The following STK33 variants were observed in gnomAD, a reference collection of about 807,000 sequenced individuals.
STK33 encodes serine/threonine kinase 33.
In STK33, 52 loss-of-function variants were observed where a neutral mutation model predicts 58.0. That is an observed-to-expected ratio of 0.90 (90% confidence interval 0.72 to 1.13). The LOEUF is 1.13. Among genes scored for constraint, STK33 ranks in the 50% most tolerant of loss-of-function variants. STK33 has a pLI of 0.00. For synonymous variants in STK33, 215 were observed against 200.1 expected (o/e 1.07, Z -0.63); for missense variants, 630 against 604.2 (o/e 1.04, Z -0.45).
At chr11:8,404,626 G>A (rs1173945914) in intron 15 of STK33, among the ~76,000 whole-genome samples, 2 of 152,064 alleles carry the variant, frequency 1.3e-5, no homozygotes, top group Non-Finnish European at 2.9e-5. Flanking sequence ...ATAGGTTTTT[G>A]AGATTCATCT....
At chr11:8,464,928 T>C (rs1947999206) in intron 6 of STK33, 106 bp from the exon 7 acceptor site, 1 of 670,886 alleles carries the variant, frequency 1.5e-6, no homozygotes, top group South Asian at 2.3e-5. Context: ...GAGATTCTGC[T>C]CCAAGTTAAA....
At chr11:8,554,674 G>C (rs920622042) in intron 1 of STK33, among the ~76,000 whole-genome samples, 1 of 152,080 alleles carries the variant, frequency 6.6e-6, no homozygotes. Context: ...AATTAGTACA[G>C]CTATTATAAA....
the STK33 span, among the ~76,000 whole-genome samples, chr11:8,382,280 G>A: frequency 7.7e-4 from 118 of 152,316 alleles, no homozygotes; most frequent in African/African-American, 2.6e-3. Flanking sequence ...GGCAGCTGCC[G>A]CCACAGCCCC....
rs1295659525 is a variant in STK33 at position 8,450,255 on chromosome 11, A to G, written c.871+2567T>C. On this transcript the variant is annotated intron_variant, in intron 11 of 15. Coordinates refer to ENST00000687296, the MANE Select transcript of STK33 (RefSeq NM_001352389.2). ...AAAAGGATGAGTTCATGTCCTTTGC[A>G]GGGACATGGACGAAGCTGAAAACCA... Among the ~76,000 whole-genome samples, 4 of 152,288 alleles carry G rather than the reference A, an allele frequency of 2.6e-5. No homozygotes were observed. The East Asian group carries it at 7.7e-4, about 29-fold the overall frequency.
intron 1 of STK33, among the ~76,000 whole-genome samples, chr11:8,591,779 G>A (rs548863227): frequency 1.1e-3 from 154 of 145,856 alleles, no homozygotes; most frequent in African/African-American, 3.8e-3. Flanking sequence ...GGTGGGAATT[G>A]AAGAATGAGA....
intron 14 of STK33, among the ~76,000 whole-genome samples, chr11:8,422,398 G>A (rs1180168319): frequency 6.6e-6 from 1 of 152,126 alleles, no homozygotes; most frequent in Non-Finnish European, 1.5e-5. Flanking sequence ...ATATTAGTAA[G>A]TGAAATGGAT....
rs996775714 is a variant in STK33, at chr11:8,413,784, G to A, written c.1147-92C>T. 8.0e-6 allele frequency: 9 copies of A among 1,121,780 alleles called. No individual in the cohort carries two copies. The African/African-American group carries it at 1.2e-4, about 16-fold the overall frequency. The allele number at this position is 1,121,780 out of a possible 1,614,324, so 69.5% of individuals were successfully genotyped here. A position where few individuals can be genotyped will look rare whatever the true frequency, so the allele number is the denominator to read the frequency against. On this transcript the variant is annotated intron_variant, in intron 14 of 15. Coordinates refer to ENST00000687296, the MANE Select transcript of STK33 (RefSeq NM_001352389.2). ...TTAGCGAGACAGTCTCCCAAATTCA[G>A]TAATAGTCACATGGAAAAGATTATA...
chr11:8,428,746 G>A (rs7128727), intron 14 of STK33, among the ~76,000 whole-genome samples: 87,466 of 151,932 alleles, frequency 0.58, 25,595 homozygotes, highest in South Asian at 0.71. Context: ...ATATTCAATC[G>A]TGTATGAATG....
chr11:8,567,066 G>T (rs117872617), intron 1 of STK33, among the ~76,000 whole-genome samples: 8,629 of 152,160 alleles, frequency 0.057, 322 homozygotes, highest in Non-Finnish European at 0.076. Context: ...CTTGAGCCCA[G>T]GAGGTAGAGG....
At chr11:8,398,984 A>T (rs1469235349) in intron 15 of STK33, among the ~76,000 whole-genome samples, 1 of 152,208 alleles carries the variant, frequency 6.6e-6, no homozygotes, top group African/African-American at 2.4e-5. Flanking sequence ...TTAGAGACCT[A>T]CAAAGAGACT....
intron 1 of STK33, among the ~76,000 whole-genome samples, chr11:8,561,007 CT>C (rs1214119937): frequency 6.6e-6 from 1 of 152,192 alleles, no homozygotes; most frequent in Non-Finnish European, 1.5e-5. Flanking sequence ...CTCCCTTCCC[CT>C]CTTTATATCT....
downstream of STK33, among the ~76,000 whole-genome samples, chr11:8,390,962 T>C (rs1406139327): frequency 2.0e-5 from 3 of 152,194 alleles, no homozygotes; most frequent in Non-Finnish European, 4.4e-5. Context: ...ATAGGCAGAA[T>C]CAAAGCCACC....
the STK33 span, among the ~76,000 whole-genome samples, chr11:8,378,216 A>G: frequency 6.6e-6 from 1 of 152,234 alleles, no homozygotes; most frequent in East Asian, 1.9e-4. Context: ...TTCAGAGCGA[A>G]GTGGGGGGAA....
chr11:8,402,534 G>T (rs371050055), intron 15 of STK33, among the ~76,000 whole-genome samples: 5 of 152,090 alleles, frequency 3.3e-5, no homozygotes, highest in Admixed American at 6.5e-5. Context: ...GTTAATGGGT[G>T]CAGCACACCA....
At chr11:8,364,066 A>G in the STK33 span, among the ~76,000 whole-genome samples, 2 of 152,110 alleles carry the variant, frequency 1.3e-5, no homozygotes, top group African/African-American at 2.4e-5. Flanking sequence ...ATATCTCTGG[A>G]AGTTCCTTCG....
the STK33 span, among the ~76,000 whole-genome samples, chr11:8,341,060 G>A: frequency 6.6e-6 from 1 of 152,158 alleles, no homozygotes; most frequent in Middle Eastern, 3.2e-3. Flanking sequence ...GTTTCATCAT[G>A]TTGGCCAGGC....
chr11:8,442,569 C>G (rs1037918085), intron 11 of STK33, among the ~76,000 whole-genome samples: 1 of 152,144 alleles, frequency 6.6e-6, no homozygotes, highest in Non-Finnish European at 1.5e-5. Flanking sequence ...CTCTCTTGTT[C>G]TCACTTGTTA....
chr11:8,515,615 C>A (rs548849333), intron 1 of STK33, among the ~76,000 whole-genome samples: 6 of 152,120 alleles, frequency 3.9e-5, no homozygotes, highest in Non-Finnish European at 8.8e-5. Context: ...TTCAACAGCA[C>A]ATTAAAAGGA....
At chr11:8,371,654 TTTTC>T in the STK33 span, among the ~76,000 whole-genome samples, 651 of 151,464 alleles carry the variant, frequency 4.3e-3, 3 homozygotes, top group Non-Finnish European at 7.5e-3. Context: ...CTTTCTTTTC[TTTTC>T]TTTCTTTCCT....
Sources: gnomAD v4.1 joint callset for allele counts (sites outside exome capture counted in the v4.1 genomes callset) on GRCh38, gnomAD v4.1.1 for gene constraint, MANE v1.5 for transcripts, NCBI Gene and HGNC (gene_info 2026-07-23, HGNC 2026-07-21) for gene names.